The following KCNMA1 variants were observed in gnomAD, a reference collection of about 807,000 sequenced individuals.
KCNMA1 encodes the protein potassium calcium-activated channel subfamily M alpha 1, also known as Calcium-activated potassium channel subunit alpha-1.
A neutral mutation model predicts 140.0 loss-of-function variants in KCNMA1; 29 were observed. The ratio of observed to expected loss-of-function variants is 0.21; its 90% confidence interval spans 0.15 to 0.28. The LOEUF is 0.28. Ranked by LOEUF, KCNMA1 falls within the 10% of genes least tolerant of loss-of-function variation. KCNMA1 has a pLI of 1.00. For synonymous variants in KCNMA1, 612 were observed against 611.9 expected (o/e 1.00, Z 0.00); for missense variants, 880 against 1,602.2 (o/e 0.55, Z 7.70).
At chr10:76,932,839 C>A (rs1263672080) in intron 23 of KCNMA1, among the ~76,000 whole-genome samples, 1 of 152,192 alleles carries the variant, frequency 6.6e-6, no homozygotes, top group African/African-American at 2.4e-5. Context: ...TTCATTTCTA[C>A]ATGGCCAGGG....
intron 23 of KCNMA1, among the ~76,000 whole-genome samples, chr10:76,917,660 A>G (rs2053525979): frequency 6.6e-6 from 1 of 152,120 alleles, no homozygotes; most frequent in Non-Finnish European, 1.5e-5. Flanking sequence ...TCCCCTATGC[A>G]TGACTCCCCA....
intron 5 of KCNMA1, among the ~76,000 whole-genome samples, chr10:77,171,503 C>T (rs2098708344): frequency 6.6e-6 from 1 of 151,732 alleles, no homozygotes; most frequent in Non-Finnish European, 1.5e-5. Flanking sequence ...TGTGCCAGGC[C>T]TCTCAACAGT....
intron 18 of KCNMA1, chr10:77,008,318 A>C: frequency 1.1e-6 from 1 of 935,284 alleles, no homozygotes; most frequent in South Asian, 1.8e-5. Context: ...ATCAAACTAG[A>C]CATTACTTGT....
chr10:77,630,660 A>G (rs1211954703), intron 1 of KCNMA1, among the ~76,000 whole-genome samples: 1 of 152,192 alleles, frequency 6.6e-6, no homozygotes, highest in African/African-American at 2.4e-5. Flanking sequence ...ACGGAGGCTG[A>G]GGGATGGACC....
chr10:77,567,472 C>T (rs1282519517), intron 1 of KCNMA1, among the ~76,000 whole-genome samples: 3 of 152,146 alleles, frequency 2.0e-5, no homozygotes, highest in East Asian at 3.9e-4. Flanking sequence ...GAACTACCGG[C>T]AGTTATGAAC....
intron 2 of KCNMA1, among the ~76,000 whole-genome samples, chr10:77,372,539 G>A (rs113838440): frequency 0.017 from 2,598 of 152,114 alleles, 35 homozygotes; most frequent in South Asian, 0.03. Context: ...CTCTCTAGGC[G>A]CCGCAGTCCT....
chr10:77,411,868 C>T (rs933879185), intron 1 of KCNMA1, among the ~76,000 whole-genome samples: 5 of 152,218 alleles, frequency 3.3e-5, no homozygotes, highest in South Asian at 2.1e-4. Flanking sequence ...GCCAAGCTGA[C>T]GGGCTGTGAA....
chr10:77,478,774 C>A lies in KCNMA1; in HGVS notation c.379-74751G>T, dbSNP rs188653856. ...TAAACCAATGAGGTAATGTACATAA[C>A]CCTGCAGAAGGATTTCAGTACAATG... On this transcript the variant is annotated intron_variant, in intron 1 of 27. Transcript: ENST00000286628. Among the ~76,000 whole-genome samples the A allele has an allele frequency of 2.2e-3, 335 of 152,098 alleles. 5 individuals carry two copies. Among genetic ancestry groups the A allele is most frequent in the Non-Finnish European group, 1.0e-3 (69 of 68,000 alleles).
chr10:77,087,961 A>G (rs1421613210), intron 10 of KCNMA1, among the ~76,000 whole-genome samples: 1 of 151,544 alleles, frequency 6.6e-6, no homozygotes, highest in Non-Finnish European at 1.5e-5. Context: ...AAAATAAATA[A>G]TATTTATTTA....
intron 5 of KCNMA1, among the ~76,000 whole-genome samples, chr10:77,127,621 G>T (rs1462241682): frequency 6.7e-6 from 1 of 149,408 alleles, no homozygotes; most frequent in Non-Finnish European, 1.5e-5. Context: ...AGGGAGAGAA[G>T]GAGAGAAGGC....
At chr10:77,433,550 T>C (rs1168622606) in intron 1 of KCNMA1, 1 of 152,262 alleles carries the variant, frequency 6.6e-6, no homozygotes, top group Non-Finnish European at 1.5e-5. Context: ...AAAGGAATAC[T>C]TTATATTCCA....
chr10:77,000,857 A>AATATATAT (rs56359933), intron 19 of KCNMA1, among the ~76,000 whole-genome samples: 893 of 35,918 alleles, frequency 0.025, 22 homozygotes, highest in South Asian at 0.034. Context: ...GTAAAAAGAA[A>AATATATAT]ATATATATAT....
At chr10:77,363,020 G>A (rs778069012) in intron 2 of KCNMA1, among the ~76,000 whole-genome samples, 3 of 152,226 alleles carry the variant, frequency 2.0e-5, no homozygotes, top group Admixed American at 2.0e-4. Context: ...ACCTGGGAGA[G>A]CCAAGATCGT....
At chr10:77,445,248 T>G (rs972334728) in intron 1 of KCNMA1, among the ~76,000 whole-genome samples, 1 of 152,108 alleles carries the variant, frequency 6.6e-6, no homozygotes, top group Non-Finnish European at 1.5e-5. Flanking sequence ...CATGCAGAGC[T>G]GAGGCAGGCC....
At chr10:77,274,699 C>G (rs1380411530) in intron 2 of KCNMA1, among the ~76,000 whole-genome samples, 2 of 152,188 alleles carry the variant, frequency 1.3e-5, no homozygotes, top group African/African-American at 4.8e-5. Context: ...AACCCCGACT[C>G]CATTTGTCAT....
intron 2 of KCNMA1, among the ~76,000 whole-genome samples, chr10:77,369,098 T>C (rs1440730024): frequency 6.6e-6 from 1 of 152,214 alleles, no homozygotes; most frequent in East Asian, 1.9e-4. Flanking sequence ...TAGATTTTGG[T>C]TGGAGTTACA....
At chr10:77,353,065 A>G (rs1307724026) in intron 2 of KCNMA1, among the ~76,000 whole-genome samples, 1 of 152,220 alleles carries the variant, frequency 6.6e-6, no homozygotes, top group Non-Finnish European at 1.5e-5. Context: ...TTTTTCATGA[A>G]GCTTAAAGGA....
intron 2 of KCNMA1, among the ~76,000 whole-genome samples, chr10:77,392,143 G>A (rs981991572): frequency 7.1e-6 from 1 of 141,352 alleles, no homozygotes; most frequent in African/African-American, 2.7e-5. Context: ...AGGAAGGAAG[G>A]GAGGGAGGGA....
intron 20 of KCNMA1, among the ~76,000 whole-genome samples, chr10:76,966,562 A>G (rs947418510): frequency 6.6e-6 from 1 of 152,172 alleles, no homozygotes; most frequent in Non-Finnish European, 1.5e-5. Context: ...ATTTAGAGAC[A>G]AACTTTGTGC....
Sources: gnomAD v4.1 joint callset for allele counts (sites outside exome capture counted in the v4.1 genomes callset) on GRCh38, gnomAD v4.1.1 for gene constraint, MANE v1.5 for transcripts, NCBI Gene and HGNC (gene_info 2026-07-23, HGNC 2026-07-21) for gene names.